GRM5: variants seen among roughly 807,000 people sequenced by gnomAD.
GRM5 encodes the protein metabotropic glutamate receptor 5.
GRM5 carries 19 observed loss-of-function variants against 83.1 expected under a neutral mutation model. That is an observed-to-expected ratio of 0.23 (90% CI 0.16 to 0.34). The LOEUF (loss-of-function observed/expected upper bound fraction) is 0.34. GRM5 is among the 10% of genes least tolerant of loss of function. The pLI, the probability that GRM5 is intolerant of heterozygous loss-of-function variation, is 1.00. For synonymous variants in GRM5, 675 were observed against 633.6 expected (o/e 1.07, Z -0.98); for missense variants, 1,160 against 1,588.3 (o/e 0.73, Z 4.58).
intron 8 of GRM5, among the ~76,000 whole-genome samples, chr11:88,538,940 G>T (rs1181035617): frequency 6.6e-6 from 1 of 152,144 alleles, no homozygotes; most frequent in South Asian, 2.1e-4. Context: ...TCTTTAAATG[G>T]CCTAAGGGAT....
At chr11:88,612,959 A>G (rs1938367874) in intron 4 of GRM5, 1 of 152,106 alleles carries the variant, frequency 6.6e-6, no homozygotes, top group South Asian at 2.1e-4. Flanking sequence ...TTTATCCCAA[A>G]GTCATTCAGG....
chr11:89,065,068 A>G (rs1018475822), intron 1 of GRM5, among the ~76,000 whole-genome samples: 1 of 151,572 alleles, frequency 6.6e-6, no homozygotes, highest in Non-Finnish European at 1.5e-5. Context: ...CCATCTTTAC[A>G]TGACCCACAG....
chr11:88,984,049 AAAACTT>A (rs1939611016), intron 2 of GRM5, among the ~76,000 whole-genome samples: 1 of 152,176 alleles, frequency 6.6e-6, no homozygotes, highest in Non-Finnish European at 1.5e-5. Flanking sequence ...ATGATAATAA[AAAACTT>A]AAAGTTTATA....
intron 2 of GRM5, among the ~76,000 whole-genome samples, chr11:88,894,358 TTTCTC>T (rs1311018466): frequency 6.6e-6 from 1 of 152,020 alleles, no homozygotes; most frequent in African/African-American, 2.4e-5. Flanking sequence ...GCTGTTTATC[TTTCTC>T]TTCTCTTCTG....
rs1941162473 is a variant in GRM5, at chr11:88,505,532, C to G, written c.*3060G>C. 6.6e-6 allele frequency: 1 copy of G among 152,172 alleles called. No individual in the cohort carries two copies. The highest frequency in any genetic ancestry group is 2.4e-5 in the African/African-American group (1 of 41,448). 9.4% of individuals were successfully genotyped at this position (152,172 alleles called of 1,614,324 possible). ...ATTTGCTTTTTTTCCTTGCTTCAGT[C>G]AAATCTCTTATAATTTTTCTTTCCA... On this transcript the variant is annotated 3_prime_UTR_variant, in exon 10 of 10. Coordinates refer to ENST00000305447, the MANE Select transcript of GRM5 (RefSeq NM_001143831.3).
At chr11:89,004,977 T>C (rs1041785345) in intron 2 of GRM5, among the ~76,000 whole-genome samples, 19 of 152,154 alleles carry the variant, frequency 1.2e-4, no homozygotes, top group Middle Eastern at 3.2e-3. Flanking sequence ...TACATGCAAT[T>C]GAAAACTCAA....
In GRM5 at chr11:88,627,755, A is replaced by G. The variant is rs114926169; in HGVS notation, c.1148-22791T>C. On this transcript the variant is annotated intron_variant, in intron 4 of 9. Coordinates refer to ENST00000305447, the MANE Select transcript of GRM5 (RefSeq NM_001143831.3). ...TTACCTCATTCTTCTGTCACCTAAC[A>G]ATAACTTCTGTGACACCCTCAAATT... is the stretch of plus-strand genomic sequence containing the variant. Among the ~76,000 whole-genome samples, 1,098 of 152,228 alleles carry G rather than the reference A, an allele frequency of 7.2e-3. 8 individuals are homozygous for G. Among genetic ancestry groups the G allele is most frequent in the African/African-American group, 0.026 (1,062 of 41,526 alleles).
At chr11:89,039,270 A>T (rs1289795150) in intron 2 of GRM5, among the ~76,000 whole-genome samples, 1 of 22,458 alleles carries the variant, frequency 4.5e-5, no homozygotes, top group Non-Finnish European at 9.3e-5. Context: ...GTTTCAAAAT[A>T]AAAAAAAAAT....
At chr11:88,547,556 G>T (rs1942412649) in intron 8 of GRM5, among the ~76,000 whole-genome samples, 2 of 152,116 alleles carry the variant, frequency 1.3e-5, no homozygotes, top group Admixed American at 6.6e-5. Flanking sequence ...CATTATTCTT[G>T]TACTCAAGGC....
chr11:88,622,795 G>A lies in GRM5; in HGVS notation c.1148-17831C>T, dbSNP rs573268725. Reference sequence around the variant, plus strand: ...TAAAATCCGTAAAATTGCAGTAGAGGAATTAGTCTCATGCGTATGCATATG... The same window carrying A: ...TAAAATCCGTAAAATTGCAGTAGAGAAATTAGTCTCATGCGTATGCATATG... On this transcript the variant is annotated intron_variant, in intron 4 of 9. Coordinates refer to ENST00000305447, the MANE Select transcript of GRM5 (RefSeq NM_001143831.3). Among the ~76,000 whole-genome samples the A allele has an allele frequency of 5.2e-4, 79 of 152,130 alleles. 2 individuals carry two copies. The South Asian group carries it at 0.016, about 31-fold the overall frequency.
intron 2 of GRM5, among the ~76,000 whole-genome samples, chr11:88,872,990 C>T (rs1420660315): frequency 7.3e-4 from 108 of 147,182 alleles, no homozygotes; most frequent in Middle Eastern, 3.6e-3. Context: ...TAAAGATACA[C>T]GAAGACTGAA....
At chr11:88,581,379 G>A (rs1372762190) in intron 7 of GRM5, among the ~76,000 whole-genome samples, 2 of 152,204 alleles carry the variant, frequency 1.3e-5, no homozygotes, top group Non-Finnish European at 2.9e-5. Context: ...AGAGAAAGCT[G>A]ACACTCACAG....
chr11:88,937,768 C>T (rs1217332045), intron 2 of GRM5, among the ~76,000 whole-genome samples: 1 of 151,536 alleles, frequency 6.6e-6, no homozygotes, highest in Non-Finnish European at 1.5e-5. Context: ...AGAATAGAAG[C>T]AGAAAATTAG....
chr11:88,527,607 T>C (rs998180559), intron 8 of GRM5, among the ~76,000 whole-genome samples: 4 of 152,142 alleles, frequency 2.6e-5, no homozygotes, highest in Non-Finnish European at 5.9e-5. Flanking sequence ...CCTAAAGGAA[T>C]ATAAATCTCT....
chr11:88,638,103 A>C (rs1276464582), intron 4 of GRM5, among the ~76,000 whole-genome samples: 9 of 145,232 alleles, frequency 6.2e-5, no homozygotes, highest in Non-Finnish European at 3.0e-5. Context: ...GGAATTGAAC[A>C]ATGAGAACAC....
chr11:88,919,084 A>G (rs555140473), intron 2 of GRM5, among the ~76,000 whole-genome samples: 102 of 150,104 alleles, frequency 6.8e-4, no homozygotes, highest in Middle Eastern at 3.4e-3. Context: ...AAACACTCCA[A>G]TAAAAAAAAT....
chr11:88,841,410 G>A (rs474542), intron 3 of GRM5, among the ~76,000 whole-genome samples: 46,623 of 151,932 alleles, frequency 0.31, 7,510 homozygotes, highest in South Asian at 0.53. Context: ...TTCCTTTTGA[G>A]TAAGTCATCC....
At chr11:88,795,092 G>T (rs1289135911) in intron 3 of GRM5, among the ~76,000 whole-genome samples, 1 of 152,214 alleles carries the variant, frequency 6.6e-6, no homozygotes, top group Admixed American at 6.5e-5. Flanking sequence ...AGAACATGTA[G>T]AAAAATGGTA....
At chr11:89,006,773 A>C (rs1373944552) in intron 2 of GRM5, among the ~76,000 whole-genome samples, 1 of 151,748 alleles carries the variant, frequency 6.6e-6, no homozygotes, top group African/African-American at 2.4e-5. Flanking sequence ...TATAATTTCA[A>C]ATCTTTTTTG....
Sources: gnomAD v4.1 joint callset for allele counts (sites outside exome capture counted in the v4.1 genomes callset) on GRCh38, gnomAD v4.1.1 for gene constraint, MANE v1.5 for transcripts, NCBI Gene and HGNC (gene_info 2026-07-23, HGNC 2026-07-21) for gene names.